The following GRAP2 variants were observed in gnomAD, a reference collection of about 807,000 sequenced individuals.
GRAP2 encodes the protein GRB2-related adapter protein 2.
GRAP2 carries 31 observed loss-of-function variants against 43.5 expected under a neutral mutation model. That is an observed-to-expected ratio of 0.71 (90% CI 0.54 to 0.96). The LOEUF is 0.96. Among genes scored for constraint, GRAP2 ranks in the 40% least tolerant of loss-of-function variants. The pLI, the probability that GRAP2 is intolerant of heterozygous loss-of-function variation, is 0.00. For synonymous variants in GRAP2, 156 were observed against 164.8 expected (o/e 0.95, Z 0.41); for missense variants, 371 against 424.4 (o/e 0.87, Z 1.11).
At chr22:39,970,538 C>CT (rs1010133792) in intron 7 of GRAP2, among the ~76,000 whole-genome samples, 3 of 152,168 alleles carry the variant, frequency 2.0e-5, no homozygotes, top group African/African-American at 7.2e-5. Context: ...ACAATAACAT[C>CT]TGTTGGTAAA....
At chr22:39,960,819 G>T (rs1032243781) in intron 4 of GRAP2, 1 of 152,284 alleles carries the variant, frequency 6.6e-6, no homozygotes, top group Non-Finnish European at 1.5e-5. Context: ...CCAAGACCCA[G>T]GGAAAGCCGT....
chr22:39,912,434 A>G (rs2066573757), intron 1 of GRAP2, among the ~76,000 whole-genome samples: 1 of 151,884 alleles, frequency 6.6e-6, no homozygotes, highest in African/African-American at 2.4e-5. Context: ...GAAAAAAAGT[A>G]CTCTTGCCTT....
At chr22:39,921,191 C>T (rs559433167) in intron 1 of GRAP2, among the ~76,000 whole-genome samples, 1 of 152,272 alleles carries the variant, frequency 6.6e-6, no homozygotes, top group East Asian at 1.9e-4. Flanking sequence ...AGAAGTCGGA[C>T]CAAAACCTCA....
chr22:39,944,005 G>A (rs1028898735), intron 1 of GRAP2, among the ~76,000 whole-genome samples: 5 of 152,070 alleles, frequency 3.3e-5, no homozygotes, highest in African/African-American at 7.2e-5. Context: ...GTGCCTGGCC[G>A]AGGGGTCTCT....
At chr22:39,895,060 A>G in the GRAP2 span, among the ~76,000 whole-genome samples, 1 of 152,238 alleles carries the variant, frequency 6.6e-6, no homozygotes, top group Admixed American at 6.5e-5. Context: ...TGTAGTTACT[A>G]CAACTGTCAC....
chr22:39,905,333 A>G (rs1321187430), intron 1 of GRAP2, among the ~76,000 whole-genome samples: 1 of 152,200 alleles, frequency 6.6e-6, no homozygotes, highest in Non-Finnish European at 1.5e-5. Flanking sequence ...ATCAGCAGCA[A>G]TAGTGGCTGG....
intron 1 of GRAP2, among the ~76,000 whole-genome samples, chr22:39,940,046 C>T (rs2066850180): frequency 6.6e-6 from 1 of 152,202 alleles, no homozygotes; most frequent in Non-Finnish European, 1.5e-5. Context: ...TTCCAACTCC[C>T]ACGCCACCCT....
In GRAP2 at chr22:39,933,841, GA is replaced by G. The variant is rs763095563; in HGVS notation, c.-14-13239del. On this transcript the variant is annotated intron_variant, in intron 1 of 7. Coordinates refer to ENST00000344138, the MANE Select transcript of GRAP2 (RefSeq NM_004810.4). ...GAGCAACAGAGCGAGACCCTGTCTC[GA>G]AAAAAAAAAAAAGAAAAGAAAGAAA... is the stretch of plus-strand genomic sequence containing the variant. Among the ~76,000 whole-genome samples, 316 of 131,274 alleles carry G rather than the reference GA, an allele frequency of 2.4e-3. 1 individual carries two copies. Among genetic ancestry groups the G allele is most frequent in the Non-Finnish European group, 3.1e-3 (186 of 60,928 alleles). The allele number at this position is 131,274 out of a possible 152,430, so 86.1% of individuals were successfully genotyped here. A position where few individuals can be genotyped will look rare whatever the true frequency, so the allele number is the denominator to read the frequency against.
At chr22:39,960,314 C>G in intron 4 of GRAP2, 140 bp downstream of exon 4, 2 of 734,828 alleles carry the variant, frequency 2.7e-6, no homozygotes, top group African/African-American at 1.7e-5. Context: ...GCAGCAGCTT[C>G]ACAACCTGCT....
In GRAP2 at chr22:39,968,066, C is replaced by T. The variant is rs376190713; in HGVS notation, c.484C>T (p.Arg162Trp). The T allele has an allele frequency of 1.9e-5, 30 of 1,612,626 alleles. No homozygotes were observed. Among genetic ancestry groups the T allele is most frequent in the Middle Eastern group, 3.3e-4 (2 of 6,080 alleles). Residue 162 changes from arginine to tryptophan, a missense_variant, in exon 6 of 8, where the codon CGG (arginine) becomes TGG (tryptophan). Coordinates refer to ENST00000344138, the MANE Select transcript of GRAP2 (RefSeq NM_004810.4). ...GGGTCACCGGGGCAACAGCCTGGAC[C>T]GGAGGTCCCAGGGAGGCCCACACCT... ...DQGHRGNSLD[R>W]RSQGGPHLSG...
In GRAP2 at chr22:39,903,338, C is replaced by T. The variant is rs149158407; in HGVS notation, c.-15+2008C>T. ...CCATTTGAGGTATTTGCCCAGCATA[C>T]CTTGGTCTGTAAAGAAATAGCACAG... On this transcript the variant is annotated intron_variant, in intron 1 of 7. Coordinates refer to ENST00000344138, the MANE Select transcript of GRAP2 (RefSeq NM_004810.4). Among the ~76,000 whole-genome samples, 1,387 of 152,176 alleles carry T rather than the reference C, an allele frequency of 9.1e-3. 13 individuals carry two copies. Among genetic ancestry groups the T allele is most frequent in the Non-Finnish European group, 0.015 (1,001 of 68,012 alleles).
At chr22:39,946,791 T>A (rs1357252036) in intron 1 of GRAP2, 2 of 297,792 alleles carry the variant, frequency 6.7e-6, no homozygotes, top group East Asian at 1.4e-4. Context: ...CAAACAGAGA[T>A]GCCCCCAAAA....
intron 4 of GRAP2, among the ~76,000 whole-genome samples, chr22:39,962,835 G>T (rs547619587): frequency 2.6e-5 from 4 of 152,098 alleles, no homozygotes; most frequent in African/African-American, 9.6e-5. Flanking sequence ...ATTTGTGTGT[G>T]TGTGGTTTTT....
chr22:39,963,166 A>G (rs1011846762), intron 4 of GRAP2, among the ~76,000 whole-genome samples: 2 of 152,320 alleles, frequency 1.3e-5, no homozygotes, highest in South Asian at 2.1e-4. Context: ...TTATTTTTAC[A>G]TCTGTCATGG....
At chr22:39,948,105 G>T (rs1056426692) in intron 2 of GRAP2, 2 of 152,174 alleles carry the variant, frequency 1.3e-5, no homozygotes, top group African/African-American at 4.8e-5. Flanking sequence ...AATTAGGTTT[G>T]TTATACAAAG....
rs2066492912 is a variant in GRAP2, at chr22:39,901,588, T to C, written c.-15+258T>C. 2.0e-5 allele frequency among the ~76,000 whole-genome samples: 3 copies of C among 152,202 alleles called. No individual in the cohort carries two copies. The South Asian group carries it at 6.2e-4, about 32-fold the overall frequency. ...AACACAAAAATCTCCACAAACTGGC[T>C]TCAGAAGCATCTCAGGGAAAGATTT... On this transcript the variant is annotated intron_variant, in intron 1 of 7. Coordinates refer to ENST00000344138, the MANE Select transcript of GRAP2 (RefSeq NM_004810.4).
At chr22:39,896,236 C>T (rs62228558), upstream of GRAP2, among the ~76,000 whole-genome samples, 1 of 152,220 alleles carries the variant, frequency 6.6e-6, no homozygotes, top group Non-Finnish European at 1.5e-5. Context: ...AAGGCCATAA[C>T]TAAGGCAGAG....
intron 6 of GRAP2, 170 bp downstream of exon 6, chr22:39,968,442 A>C: frequency 1.6e-6 from 1 of 633,008 alleles, no homozygotes; most frequent in South Asian, 2.0e-5. Context: ...TCTATGAATT[A>C]AATGGCTCCC....
At chr22:39,970,057 C>G (rs1379574040) in intron 7 of GRAP2, among the ~76,000 whole-genome samples, 1 of 152,160 alleles carries the variant, frequency 6.6e-6, no homozygotes, top group African/African-American at 2.4e-5. Flanking sequence ...TCTCATAGTT[C>G]TCAGTTCTAG....
Sources: gnomAD v4.1 joint callset for allele counts (sites outside exome capture counted in the v4.1 genomes callset) on GRCh38, gnomAD v4.1.1 for gene constraint, MANE v1.5 for transcripts, NCBI Gene and HGNC (gene_info 2026-07-23, HGNC 2026-07-21) for gene names.